IQGAP2: variants seen among roughly 807,000 people sequenced by gnomAD.
IQGAP2 encodes ras GTPase-activating-like protein IQGAP2.
In IQGAP2, 173 loss-of-function variants were observed where a neutral mutation model predicts 201.3. The ratio of observed to expected loss-of-function variants is 0.86; its 90% CI spans 0.76 to 0.98. The LOEUF is 0.98. IQGAP2 is among the 50% of genes least tolerant of loss of function. The pLI, the probability that IQGAP2 is intolerant of heterozygous loss-of-function variation, is 0.00. For missense variants in IQGAP2, 1,687 were observed against 1,864.8 expected, an observed-to-expected ratio of 0.90 and a Z score of 1.76; for synonymous variants, 675 against 673.9, an observed-to-expected ratio of 1.00 and a Z score of -0.03.
chr5:76,666,462 TA>T (rs1268441403), intron 22 of IQGAP2, among the ~76,000 whole-genome samples: 1 of 152,242 alleles, frequency 6.6e-6, no homozygotes, highest in East Asian at 1.9e-4. Flanking sequence ...TGTCATAAGT[TA>T]AAATCTAGTC....
chr5:76,485,676 T>G (rs1281894860), intron 2 of IQGAP2, among the ~76,000 whole-genome samples: 3 of 151,672 alleles, frequency 2.0e-5, no homozygotes, highest in Non-Finnish European at 4.4e-5. Context: ...GTGGCCAGAG[T>G]TGGGTGTCAG....
chr5:76,518,264 A>G (rs1758458835), intron 2 of IQGAP2, among the ~76,000 whole-genome samples: 1 of 152,188 alleles, frequency 6.6e-6, no homozygotes, highest in Admixed American at 6.5e-5. Context: ...ACCCGGCCCA[A>G]GAAAGATATT....
At chr5:76,514,510 G>A (rs1758186248) in intron 2 of IQGAP2, among the ~76,000 whole-genome samples, 1 of 152,086 alleles carries the variant, frequency 6.6e-6, no homozygotes, top group Admixed American at 6.5e-5. Flanking sequence ...CCTACCTCCT[G>A]CCATCAGATT....
At chr5:76,514,559 T>TG (rs1758190580) in intron 2 of IQGAP2, among the ~76,000 whole-genome samples, 1 of 152,198 alleles carries the variant, frequency 6.6e-6, no homozygotes, top group African/African-American at 2.4e-5. Flanking sequence ...ATCATTCCCC[T>TG]GGGGAAAAAC....
In IQGAP2 at chr5:76,660,492, T is replaced by C. The variant is rs545036208; in HGVS notation, c.2529+1825T>C. ...ATAGCCTTAAACTGCTGTTTCACGC[T>C]ATCCCCATAAAATCATAAACAGGAA... On this transcript the variant is annotated intron_variant, in intron 21 of 35. Transcript: ENST00000274364. Among the ~76,000 whole-genome samples, 4 of 152,342 alleles carry C rather than the reference T, an allele frequency of 2.6e-5. No individual in the cohort carries two copies. The East Asian group carries it at 7.7e-4, about 29-fold the overall frequency.
intron 13 of IQGAP2, chr5:76,617,712 T>G (rs573079144): frequency 1.2e-6 from 2 of 1,614,142 alleles, no homozygotes; most frequent in East Asian, 2.2e-5. Flanking sequence ...GCCATCAGTG[T>G]TGTTGTAGTA....
At chr5:76,414,918 ATAATGTGCTTC>A (rs1387695251) in intron 1 of IQGAP2, among the ~76,000 whole-genome samples, 1 of 152,258 alleles carries the variant, frequency 6.6e-6, no homozygotes, top group Non-Finnish European at 1.5e-5. Flanking sequence ...AGTGGAGCTT[ATAATGTGCTTC>A]TGTATTGTAG....
In IQGAP2 at chr5:76,403,561, C is replaced by A; in HGVS notation, c.16C>A (p.Leu6Met). The A allele has an allele frequency of 6.5e-7, 1 of 1,537,314 alleles. No individual in the cohort carries two copies. The highest frequency in any genetic ancestry group is 8.7e-7 in the Non-Finnish European group (1 of 1,147,998). ...GACGCGCAGGATGCCACACGAAGAG[C>A]TGCCGTCGCTGCAGAGACCCCGCTA... is the stretch of plus-strand genomic sequence containing the variant. MPHEE[L>M]PSLQRPRYGS... is the part of the protein sequence containing the mutation. Residue 6 changes from leucine (L) to methionine (M), a missense_variant, in exon 1 of 36, where the codon CTG becomes ATG. Leu to Met is a conservative substitution (Grantham distance 15). Transcript: ENST00000274364. This position sits in a 1 kb window ranked among gnomAD's most constrained non-coding sequence, Gnocchi z 4.8.
At chr5:76,580,269 C>T (rs1399068347) in intron 5 of IQGAP2, among the ~76,000 whole-genome samples, 1 of 149,122 alleles carries the variant, frequency 6.7e-6, no homozygotes, top group Admixed American at 6.9e-5. Context: ...GAGGGAGACT[C>T]CATCTCAATT....
intron 1 of IQGAP2, among the ~76,000 whole-genome samples, chr5:76,445,957 G>A (rs76534663): frequency 0.019 from 2,905 of 152,188 alleles, 104 homozygotes; most frequent in African/African-American, 0.065. Flanking sequence ...TTTTGCGACT[G>A]GCTAATTTCA....
chr5:76,436,199 G>A lies in IQGAP2; in HGVS notation c.47-25371G>A, dbSNP rs577963398. ...TGACTTTATCTTTTCCAATTTGGATGCCCTTTATTTCTTTCTCTTGCCTTA... is the reference window on the plus strand; with the variant it reads ...TGACTTTATCTTTTCCAATTTGGATACCCTTTATTTCTTTCTCTTGCCTTA... On this transcript the variant is annotated intron_variant, in intron 1 of 35. Transcript: ENST00000274364. 3.4e-4 allele frequency among the ~76,000 whole-genome samples: 52 copies of A among 151,806 alleles called. No individual in the cohort carries two copies. The South Asian group carries it at 1.0e-2, about 29-fold the overall frequency.
intron 30 of IQGAP2, among the ~76,000 whole-genome samples, chr5:76,688,097 G>A (rs1025541521): frequency 2.6e-5 from 4 of 152,030 alleles, no homozygotes; most frequent in Admixed American, 6.6e-5. Context: ...CTAATAAACC[G>A]AATTTGTAAC....
chr5:76,618,480 G>A, intron 13 of IQGAP2: 1 of 1,614,172 alleles, frequency 6.2e-7, no homozygotes. Context: ...ATGGAGATGT[G>A]AAGCACTTTC....
chr5:76,464,666 T>A (rs6863995), intron 2 of IQGAP2, among the ~76,000 whole-genome samples: 133,430 of 152,140 alleles, frequency 0.88, 58,878 homozygotes, highest in Middle Eastern at 0.96. Flanking sequence ...GTATATCTTT[T>A]ATTTTGGTTT....
chr5:76,551,708 G>C lies in IQGAP2; in HGVS notation c.147-10688G>C, dbSNP rs568653769. Among the ~76,000 whole-genome samples, 15 of 152,144 alleles carry C rather than the reference G, an allele frequency of 9.9e-5. No homozygotes were observed. The South Asian group carries it at 3.1e-3, about 32-fold the overall frequency. On this transcript the variant is annotated intron_variant, in intron 2 of 35. Coordinates refer to ENST00000274364, the MANE Select transcript of IQGAP2 (RefSeq NM_006633.5). The stretch of plus-strand genomic sequence containing the variant: ...TCTCCACCAAAAAATGCAAAAACCA[G>C]TCAGGCGTGGCTGCGCGTGCCTGCA...
chr5:76,457,825 T>C (rs931770791), intron 1 of IQGAP2, among the ~76,000 whole-genome samples: 2 of 152,368 alleles, frequency 1.3e-5, no homozygotes, highest in Admixed American at 6.5e-5. Context: ...ATAAGCCTTA[T>C]TGTGTAATTT....
intron 33 of IQGAP2, among the ~76,000 whole-genome samples, chr5:76,699,196 A>T (rs967551135): frequency 3.9e-5 from 6 of 152,124 alleles, no homozygotes; most frequent in Non-Finnish European, 8.8e-5. Flanking sequence ...TAGATTCCAC[A>T]TATAAGCGAG....
At position 76,592,914 on chromosome 5, in the gene IQGAP2, A is replaced by C; in HGVS notation, c.896A>C (p.Asn299Thr). Reference sequence around the variant, plus strand: ...CAAGCAGAAATCCAAGGCAATATTAATAAAGTCAACAGTAAGTAATGGATC... The same window carrying C: ...CAAGCAGAAATCCAAGGCAATATTACTAAAGTCAACAGTAAGTAATGGATC... ...LTQAEIQGNI[N>T]KVNRQAAVDH... is the part of the protein sequence containing the mutation. The change falls in exon 9 of 36, where the codon AAT (asparagine) becomes ACT (threonine). Residue 299 changes from asparagine (N) to threonine (T), a missense_variant. Transcript: ENST00000274364. 6.2e-7 allele frequency: 1 copy of C among 1,603,282 alleles called. No homozygotes were observed. The highest frequency in any genetic ancestry group is 1.3e-5 in the African/African-American group (1 of 74,794).
At chr5:76,426,037 T>C (rs1751974929) in intron 1 of IQGAP2, among the ~76,000 whole-genome samples, 1 of 152,152 alleles carries the variant, frequency 6.6e-6, no homozygotes, top group African/African-American at 2.4e-5. Flanking sequence ...GGGATTAGAA[T>C]GTGTTTGCGC....
Sources: allele counts gnomAD v4.1 joint callset (sites outside exome capture counted in the v4.1 genomes callset), GRCh38; gene constraint gnomAD v4.1.1; non-coding constraint Gnocchi (gnomAD v3.1); transcripts MANE v1.5; gene names NCBI Gene and HGNC (gene_info 2026-07-23, HGNC 2026-07-21).